The following DGKH variants were observed in gnomAD, a reference collection of about 807,000 sequenced individuals.
DGKH encodes the protein DAG kinase eta.
Under a neutral mutation model 159.3 loss-of-function variants are expected in DGKH, and 90 were observed. That is an observed-to-expected ratio of 0.57 (90% CI 0.48 to 0.67). The LOEUF is 0.67. Among genes scored for constraint, DGKH ranks in the 30% least tolerant of loss-of-function variants. The pLI is 0.00. For missense variants in DGKH, 1,181 were observed against 1,506.1 expected, an observed-to-expected ratio of 0.78 and a Z score of 3.57; for synonymous variants, 536 against 553.8, an observed-to-expected ratio of 0.97 and a Z score of 0.45.
At chr13:42,225,403 G>A in intron 29 of DGKH, 1 of 1,318,016 alleles carries the variant, frequency 7.6e-7, no homozygotes, top group Non-Finnish European at 1.0e-6. Flanking sequence ...TGTATGGCTG[G>A]AAGGATAACT....
chr13:42,110,587 A>ATCATTCATTCATTCATTAATTCATTCAT (rs1954844640), intron 1 of DGKH, among the ~76,000 whole-genome samples: 1 of 150,880 alleles, frequency 6.6e-6, no homozygotes, highest in Non-Finnish European at 1.5e-5. Context: ...TTGAAGGATA[A>ATCATTCATTCATTCATTAATTCATTCAT]TCATTCATTC....
At chr13:42,202,602 C>G (rs1170980135) in intron 20 of DGKH, among the ~76,000 whole-genome samples, 1 of 152,190 alleles carries the variant, frequency 6.6e-6, no homozygotes, top group Non-Finnish European at 1.5e-5. Context: ...CTGTAAATCA[C>G]AGTGTGAATG....
intron 3 of DGKH, among the ~76,000 whole-genome samples, chr13:42,148,936 C>T (rs139891228): frequency 0.011 from 1,517 of 140,906 alleles, 9 homozygotes; most frequent in Non-Finnish European, 0.017. Flanking sequence ...CAACCCCGCC[C>T]GCCCCTTCTT....
At chr13:42,066,431 G>A (rs1376545946) in intron 1 of DGKH, 1 of 152,156 alleles carries the variant, frequency 6.6e-6, no homozygotes, top group Admixed American at 6.5e-5. Context: ...ACTGCAATTT[G>A]CTGACATTAT....
chr13:42,116,231 C>T (rs1954966355), intron 1 of DGKH, among the ~76,000 whole-genome samples: 1 of 152,146 alleles, frequency 6.6e-6, no homozygotes, highest in Admixed American at 6.5e-5. Flanking sequence ...AAGCCTAACA[C>T]AGCTTTCCTG....
At chr13:42,246,696 G>T (rs1388195486), downstream of DGKH, among the ~76,000 whole-genome samples, 2 of 152,038 alleles carry the variant, frequency 1.3e-5, no homozygotes, top group East Asian at 1.9e-4. Context: ...AGTGAGTCAG[G>T]TAAAGTATGC....
In DGKH at chr13:42,241,754, C is replaced by G. The variant is rs1429486421; in HGVS notation, c.*12566C>G. On this transcript the variant is annotated 3_prime_UTR_variant, in exon 30 of 30. Coordinates refer to ENST00000337343, the MANE Select transcript of DGKH (RefSeq NM_178009.5). ...ATGAGGAGTAGGCGGTAATATTTAA[C>G]AGGTAGCATACGTATCTAAGCATAT... 1 of 152,188 alleles carries G rather than the reference C, an allele frequency of 6.6e-6. No homozygotes were observed. Among genetic ancestry groups the G allele is most frequent in the Non-Finnish European group, 1.5e-5 (1 of 68,034 alleles). 9.4% of individuals were successfully genotyped at this position (152,188 alleles called of 1,614,324 possible). A position where few individuals can be genotyped will look rare whatever the true frequency, so the allele number is the denominator to read the frequency against.
At position 42,250,171 on chromosome 13, in the gene DGKH, A is replaced by G. The variant is rs189555307; in HGVS notation, n.4055-2238A>G. Among the ~76,000 whole-genome samples the G allele has an allele frequency of 9.1e-3, 1,383 of 151,406 alleles. 19 individuals are homozygous for G. Among genetic ancestry groups the G allele is most frequent in the African/African-American group, 0.031 (1,297 of 41,248 alleles). On this transcript the variant is annotated intron_variant and non_coding_transcript_variant, in intron 29 of 30. Transcript: ENST00000498255. ...TTTTTAGTAGAGATGGGGCTTCACCATGTTAGCCAGGATGGTCTCGATCTC... is the reference window on the plus strand; with the variant it reads ...TTTTTAGTAGAGATGGGGCTTCACCGTGTTAGCCAGGATGGTCTCGATCTC...
At chr13:42,170,313 C>T (rs1289067022) in intron 11 of DGKH, among the ~76,000 whole-genome samples, 1 of 151,972 alleles carries the variant, frequency 6.6e-6, no homozygotes, top group Non-Finnish European at 1.5e-5. Context: ...TTTGGAAGGC[C>T]GATGTGGGAG....
intron 12 of DGKH, among the ~76,000 whole-genome samples, chr13:42,175,821 C>T (rs1457001803): frequency 6.6e-6 from 1 of 152,308 alleles, no homozygotes; most frequent in East Asian, 1.9e-4. Context: ...CTGTGTGTGG[C>T]CTTTTTACCT....
At chr13:42,108,424 G>C (rs1002996591) in intron 1 of DGKH, among the ~76,000 whole-genome samples, 1 of 152,182 alleles carries the variant, frequency 6.6e-6, no homozygotes, top group South Asian at 2.1e-4. Flanking sequence ...AGGAAGAGGA[G>C]CAGAATTGCC....
At chr13:42,205,085 A>G (rs1322921227) in intron 20 of DGKH, among the ~76,000 whole-genome samples, 1 of 152,188 alleles carries the variant, frequency 6.6e-6, no homozygotes, top group Admixed American at 6.5e-5. Context: ...TTTAATGAAA[A>G]TATAGCATCC....
chr13:42,077,394 G>A (rs190678086), intron 1 of DGKH, among the ~76,000 whole-genome samples: 1 of 152,156 alleles, frequency 6.6e-6, no homozygotes, highest in East Asian at 1.9e-4. Context: ...GAGAAAGTCT[G>A]GTATCAGAAC....
At chr13:42,067,687 G>T (rs1882676501) in intron 1 of DGKH, among the ~76,000 whole-genome samples, 1 of 151,546 alleles carries the variant, frequency 6.6e-6, no homozygotes, top group Non-Finnish European at 1.5e-5. Context: ...TTTTATAGTT[G>T]ATTTAATTAA....
intron 1 of DGKH, among the ~76,000 whole-genome samples, chr13:42,091,743 C>T (rs1180181): frequency 0.23 from 35,566 of 151,928 alleles, 4,683 homozygotes; most frequent in African/African-American, 0.35. Context: ...ACAAAAAATC[C>T]GATTTAAAAA....
chr13:42,054,529 T>C (rs1221655375), intron 1 of DGKH, among the ~76,000 whole-genome samples: 1 of 152,180 alleles, frequency 6.6e-6, no homozygotes, highest in African/African-American at 2.4e-5. Context: ...TTAAATTCTG[T>C]GGGCCATAAG....
At chr13:42,103,950 A>T (rs1480106538) in intron 1 of DGKH, among the ~76,000 whole-genome samples, 5 of 152,216 alleles carry the variant, frequency 3.3e-5, no homozygotes, top group Non-Finnish European at 4.4e-5. Context: ...TGGTAGGAAC[A>T]TATTAATAGT....
intron 7 of DGKH, among the ~76,000 whole-genome samples, chr13:42,161,835 T>G (rs1267540176): frequency 6.6e-6 from 1 of 152,022 alleles, no homozygotes; most frequent in Non-Finnish European, 1.5e-5. Context: ...TGTGATGAAT[T>G]ATTTTAGAAA....
At position 42,049,204 on chromosome 13, in the gene DGKH, C is replaced by CG. The variant is rs568910038; in HGVS notation, c.192+244dup. On this transcript the variant is annotated intron_variant, in intron 1 of 29. Coordinates refer to ENST00000337343, the MANE Select transcript of DGKH (RefSeq NM_178009.5). ...GGGCGGGGAGGGGTGGGGCGGGGCC[C>CG]GGGGGCGCTGGACCGCGGTGCTGCG... Among the ~76,000 whole-genome samples, 804 of 127,058 alleles carry CG rather than the reference C, an allele frequency of 6.3e-3. 8 individuals carry two copies. Among genetic ancestry groups the CG allele is most frequent in the Middle Eastern group, 0.011 (3 of 266 alleles). The allele number at this position is 127,058 out of a possible 152,430, so 83.4% of individuals were successfully genotyped here.
Sources: gnomAD v4.1 joint callset for allele counts (sites outside exome capture counted in the v4.1 genomes callset) on GRCh38, gnomAD v4.1.1 for gene constraint, MANE v1.5 for transcripts, NCBI Gene and HGNC (gene_info 2026-07-23, HGNC 2026-07-21) for gene names.